P2RY6: variants seen among roughly 807,000 people sequenced by gnomAD.
P2RY6 encodes the protein P2Y purinoceptor 6.
A neutral mutation model predicts 16.3 loss-of-function variants in P2RY6; 19 were observed. The observed-to-expected ratio is 1.16, with a 90% CI of 0.81 to 1.71. The LOEUF is 1.71. P2RY6 is among the 40% of genes most tolerant of loss of function. The probability of loss-of-function intolerance (pLI) is 0.00; values close to 1 mark genes in which losing one functional copy is unlikely to be tolerated. For synonymous variants in P2RY6, 184 were observed against 201.5 expected, an observed-to-expected ratio of 0.91 and a Z score of 0.74; for missense variants, 389 against 455.5, an observed-to-expected ratio of 0.85 and a Z score of 1.33.
At chr11:73,279,034 T>C (rs1272868520) in intron 1 of P2RY6, among the ~76,000 whole-genome samples, 2 of 151,822 alleles carry the variant, frequency 1.3e-5, no homozygotes, top group African/African-American at 2.4e-5. Context: ...ACTTATTTCC[T>C]AGGTTGGCCT....
chr11:73,272,673 G>A (rs1863363850), intron 1 of P2RY6, among the ~76,000 whole-genome samples: 4 of 152,240 alleles, frequency 2.6e-5, no homozygotes, highest in Non-Finnish European at 5.9e-5. Context: ...AGGCACCGCA[G>A]GACGGGGTCA....
intron 1 of P2RY6, among the ~76,000 whole-genome samples, chr11:73,288,842 G>A (rs1864072824): frequency 6.6e-6 from 1 of 152,234 alleles, no homozygotes. Flanking sequence ...CTCCTCAGGG[G>A]AAGGAAGCGA....
upstream of P2RY6, among the ~76,000 whole-genome samples, chr11:73,270,559 C>T (rs554700375): frequency 2.6e-5 from 4 of 152,318 alleles, no homozygotes; most frequent in Non-Finnish European, 4.4e-5. Flanking sequence ...TCCCGACCCT[C>T]TCTGGGTCCA....
At chr11:73,295,270 T>C (rs1864424622) in intron 1 of P2RY6, among the ~76,000 whole-genome samples, 1 of 152,206 alleles carries the variant, frequency 6.6e-6, no homozygotes, top group African/African-American at 2.4e-5. Context: ...TAGAATGCAA[T>C]GGCATGGCAT....
chr11:73,290,649 C>T (rs548413125), intron 1 of P2RY6, among the ~76,000 whole-genome samples: 17 of 152,396 alleles, frequency 1.1e-4, no homozygotes, highest in African/African-American at 3.8e-4. Flanking sequence ...CTCCTGTCTG[C>T]GATGCCCTCT....
chr11:73,279,303 G>T (rs960571027), intron 1 of P2RY6, among the ~76,000 whole-genome samples: 1 of 152,072 alleles, frequency 6.6e-6, no homozygotes, highest in African/African-American at 2.4e-5. Context: ...GCAAATATTT[G>T]CTCCCATTCT....
Position 73,296,480 on chromosome 11 carries a change from C to G in P2RY6, c.-34-5C>G. 7 of 1,599,362 alleles carry G rather than the reference C, an allele frequency of 4.4e-6. No individual in the cohort carries two copies. Among genetic ancestry groups the G allele is most frequent in the Non-Finnish European group, 6.0e-6 (7 of 1,170,082 alleles). On this transcript the variant is annotated splice_polypyrimidine_tract_variant and splice_region_variant and intron_variant, in intron 2 of 2. Coordinates refer to ENST00000540124, the MANE Select transcript of P2RY6 (RefSeq NM_001277204.2). ...TCACTGACAGGCTGTGTATTGCTTT[C>G]CCAGCCTCCCTGAACATAGGAAACC...
upstream of P2RY6, among the ~76,000 whole-genome samples, chr11:73,268,854 A>G (rs1455122970): frequency 1.3e-5 from 2 of 152,170 alleles, no homozygotes; most frequent in Non-Finnish European, 2.9e-5. Context: ...GTGGCCAGGG[A>G]TGTGCACGAG....
At chr11:73,291,826 G>A (rs1864262448) in intron 1 of P2RY6, among the ~76,000 whole-genome samples, 1 of 152,240 alleles carries the variant, frequency 6.6e-6, no homozygotes, top group Non-Finnish European at 1.5e-5. Flanking sequence ...AGGAGGCTCA[G>A]AGAAGGGAAG....
At chr11:73,272,676 C>T (rs561348464) in intron 1 of P2RY6, among the ~76,000 whole-genome samples, 14 of 152,260 alleles carry the variant, frequency 9.2e-5, no homozygotes, top group East Asian at 7.7e-4. Flanking sequence ...CACCGCAGGA[C>T]GGGGTCAGTG....
chr11:73,289,739 A>G lies in P2RY6; in HGVS notation c.-120-5991A>G, dbSNP rs573325711. Among the ~76,000 whole-genome samples, 31 of 152,180 alleles carry G rather than the reference A, an allele frequency of 2.0e-4. 1 individual carries two copies. The highest frequency in any genetic ancestry group is 2.0e-3 in the Admixed American group (30 of 15,294). On this transcript the variant is annotated intron_variant, in intron 1 of 2. Coordinates refer to ENST00000540124, the MANE Select transcript of P2RY6 (RefSeq NM_001277204.2). The stretch of plus-strand genomic sequence containing the variant: ...GCATCCAAGCTCCGATTTTGGGGGG[A>G]ACAATGGAGAAGGGGGCCTTAGGGT...
chr11:73,270,718 G>A (rs1328773158), upstream of P2RY6, among the ~76,000 whole-genome samples: 1 of 152,168 alleles, frequency 6.6e-6, no homozygotes, highest in Non-Finnish European at 1.5e-5. Context: ...TGGTGGCCCT[G>A]AGTTGCTGCC....
At chr11:73,293,876 C>T (rs1485034769) in intron 1 of P2RY6, among the ~76,000 whole-genome samples, 1 of 152,076 alleles carries the variant, frequency 6.6e-6, no homozygotes. Context: ...GCAGGCCTCC[C>T]AAAGGGAGGT....
chr11:73,287,445 A>G (rs2053647505), intron 1 of P2RY6, among the ~76,000 whole-genome samples: 1 of 152,176 alleles, frequency 6.6e-6, no homozygotes. Context: ...AAGACTCTAG[A>G]GGGGAGAAGG....
At chr11:73,286,994 G>C (rs1187915224) in intron 1 of P2RY6, among the ~76,000 whole-genome samples, 1 of 152,192 alleles carries the variant, frequency 6.6e-6, no homozygotes, top group East Asian at 1.9e-4. Context: ...CTAGTTTCAA[G>C]TGACAGAATC....
intron 1 of P2RY6, among the ~76,000 whole-genome samples, chr11:73,290,303 A>AAAGG (rs1260016714): frequency 8.8e-6 from 1 of 113,042 alleles, no homozygotes; most frequent in Non-Finnish European, 1.8e-5. Context: ...AGAAAGAAAG[A>AAAGG]AAAGAAAGAA....
At chr11:73,282,617 G>T (rs1318353718) in intron 1 of P2RY6, among the ~76,000 whole-genome samples, 1 of 152,212 alleles carries the variant, frequency 6.6e-6, no homozygotes, top group Non-Finnish European at 1.5e-5. Context: ...GACAGGGTTA[G>T]AGGCCTCCTT....
chr11:73,290,281 GGAAAGAAAGAAA>G (rs138315853), intron 1 of P2RY6, among the ~76,000 whole-genome samples: 2 of 131,078 alleles, frequency 1.5e-5, no homozygotes, highest in Non-Finnish European at 3.2e-5. Context: ...AAGAAAGGAA[GGAAAGAAAGAAA>G]GAAAGAAAGA....
At chr11:73,264,663 CG>C (rs990838825) in intron 1 of P2RY6, 5 of 152,396 alleles carry the variant, frequency 3.3e-5, no homozygotes, top group African/African-American at 9.7e-5. Flanking sequence ...AGGGCGTGCG[CG>C]GGCAGGGACA....
Sources: allele counts gnomAD v4.1 joint callset (sites outside exome capture counted in the v4.1 genomes callset), GRCh38; gene constraint gnomAD v4.1.1; transcripts MANE v1.5; gene names NCBI Gene and HGNC (gene_info 2026-07-23, HGNC 2026-07-21).